Variants in SLC25A43 observed in about 807,000 individuals in gnomAD.
SLC25A43 encodes solute carrier family 25, member 43.
Under a neutral mutation model 22.8 loss-of-function variants are expected in SLC25A43, and 10 were observed. That is an observed-to-expected ratio of 0.44 (90% confidence interval 0.27 to 0.74). The LOEUF (loss-of-function observed/expected upper bound fraction) is 0.74. Among genes scored for constraint, SLC25A43 ranks in the 30% least tolerant of loss-of-function variants. The pLI, the probability that SLC25A43 is intolerant of heterozygous loss-of-function variation, is 0.17. For synonymous variants in SLC25A43, 106 were observed against 121.6 expected, an observed-to-expected ratio of 0.87 and a Z score of 0.84; for missense variants, 233 against 279.1, an observed-to-expected ratio of 0.83 and a Z score of 1.18.
intron 3 of SLC25A43, among the ~76,000 whole-genome samples, chrX:119,419,986 T>A (rs1422698003): frequency 8.9e-6 from 1 of 112,448 alleles, no homozygotes; most frequent in Admixed American, 9.5e-5. Context: ...CTAAAAATGA[T>A]CTTAAGCATT....
chrX:119,402,120 T>C (rs2052243544), intron 1 of SLC25A43, among the ~76,000 whole-genome samples: 1 of 112,305 alleles, frequency 8.9e-6, no homozygotes, highest in Admixed American at 9.5e-5. Context: ...TTATACTGAT[T>C]CATTTCTACT....
At chrX:119,430,238 GTCTT>G (rs780034684) in intron 3 of SLC25A43, among the ~76,000 whole-genome samples, 1 of 112,634 alleles carries the variant, frequency 8.9e-6, no homozygotes, top group Non-Finnish European at 1.9e-5. Context: ...CAGCATACTT[GTCTT>G]TCTTACAAGT....
chrX:119,419,005 G>T (rs1339247642), intron 3 of SLC25A43, among the ~76,000 whole-genome samples: 1 of 112,508 alleles, frequency 8.9e-6, no homozygotes, highest in Non-Finnish European at 1.9e-5. Flanking sequence ...TGACAGAGAT[G>T]AATTCATCTG....
intron 3 of SLC25A43, among the ~76,000 whole-genome samples, chrX:119,432,319 A>G (rs2052560306): frequency 8.9e-6 from 1 of 112,202 alleles, no homozygotes; most frequent in South Asian, 3.7e-4. Flanking sequence ...TTAGATAAAC[A>G]TAATTCTAAT....
chrX:119,409,743 G>A (rs1321063805), intron 2 of SLC25A43, among the ~76,000 whole-genome samples: 2 of 110,099 alleles, frequency 1.8e-5, no homozygotes, highest in African/African-American at 6.6e-5. Flanking sequence ...AGTCTCCCAA[G>A]TAGCTGGGAT....
chrX:119,450,936 G>T (rs1157565056), intron 3 of SLC25A43, among the ~76,000 whole-genome samples: 3 of 112,189 alleles, frequency 2.7e-5, no homozygotes, highest in African/African-American at 9.7e-5. Context: ...GCCAAGGCAG[G>T]TGGATCACTT....
chrX:119,405,676 G>A (rs1409359648), intron 1 of SLC25A43, among the ~76,000 whole-genome samples: 3 of 109,069 alleles, frequency 2.8e-5, no homozygotes, highest in African/African-American at 1.0e-4. Flanking sequence ...AGGCTGAGGT[G>A]GGAGGATCTC....
intron 3 of SLC25A43, among the ~76,000 whole-genome samples, chrX:119,415,405 C>T (rs1259833101): frequency 9.1e-6 from 1 of 109,799 alleles, no homozygotes; most frequent in Non-Finnish European, 1.9e-5. Flanking sequence ...TTAGAATTTA[C>T]CTGGTGTGGC....
At chrX:119,451,237 G>A (rs1425108107) in intron 3 of SLC25A43, among the ~76,000 whole-genome samples, 2 of 111,615 alleles carry the variant, frequency 1.8e-5, no homozygotes, top group South Asian at 7.5e-4. Flanking sequence ...ATAGGGTTCC[G>A]TCAGGATGGC....
intron 3 of SLC25A43, among the ~76,000 whole-genome samples, chrX:119,424,952 C>T (rs1603296975): frequency 1.8e-5 from 2 of 112,217 alleles, no homozygotes; most frequent in East Asian, 5.6e-4. Context: ...CCTCCTAAAA[C>T]CATCACCCTA....
chrX:119,443,269 GC>G (rs2052637112), intron 3 of SLC25A43, among the ~76,000 whole-genome samples: 1 of 106,935 alleles, frequency 9.4e-6, no homozygotes, highest in South Asian at 4.0e-4. Context: ...ACAGGCATCT[GC>G]CACCATGCCC....
intron 3 of SLC25A43, among the ~76,000 whole-genome samples, chrX:119,443,116 C>CT (rs58081965): frequency 0.41 from 29,749 of 73,093 alleles, 5,708 homozygotes; most frequent in East Asian, 0.46. Context: ...CATTCTCTCT[C>CT]TTTTTTTTTT....
At chrX:119,425,025 G>C (rs2052490698) in intron 3 of SLC25A43, among the ~76,000 whole-genome samples, 2 of 109,406 alleles carry the variant, frequency 1.8e-5, no homozygotes, top group South Asian at 7.9e-4. Flanking sequence ...TAACGAGCCT[G>C]GCTTTGGCCA....
intron 3 of SLC25A43, among the ~76,000 whole-genome samples, chrX:119,415,886 T>C (rs1362002632): frequency 9.3e-6 from 1 of 106,969 alleles, no homozygotes; most frequent in Non-Finnish European, 1.9e-5. Context: ...TGCACACCTG[T>C]AGTCCCAGCT....
intron 3 of SLC25A43, among the ~76,000 whole-genome samples, chrX:119,425,095 G>A (rs1160119264): frequency 8.9e-6 from 1 of 112,070 alleles, no homozygotes; most frequent in Non-Finnish European, 1.9e-5. Context: ...AAACTGGGCT[G>A]TCCTGGGGTC....
chrX:119,420,290 T>C (rs1432946152), intron 3 of SLC25A43, among the ~76,000 whole-genome samples: 3 of 61,033 alleles, frequency 4.9e-5, no homozygotes, highest in African/African-American at 8.8e-5. Flanking sequence ...CGTTAGATCC[T>C]TTTTTTTTTT....
chrX:119,408,989 C>T (rs2052323011), intron 2 of SLC25A43, among the ~76,000 whole-genome samples: 1 of 109,705 alleles, frequency 9.1e-6, no homozygotes, highest in African/African-American at 3.3e-5. Context: ...TGAGGTGCTG[C>T]CCACTGGCTT....
chrX:119,417,042 C>T (rs187033823), intron 3 of SLC25A43, among the ~76,000 whole-genome samples: 174 of 111,642 alleles, frequency 1.6e-3, no homozygotes, highest in African/African-American at 5.4e-3. Flanking sequence ...TTCAAGGCTT[C>T]GCCAGCTTAG....
Position 119,399,483 on chromosome X carries a change from T to A in SLC25A43, c.80T>A (p.Leu27His). 9.2e-7 allele frequency: 1 copy of A among 1,091,379 alleles called. No homozygotes were observed. The highest frequency in any genetic ancestry group is 1.2e-6 in the Non-Finnish European group (1 of 839,515). The allele number at this position is 1,091,379 out of a possible 1,213,427, so 89.9% of individuals were successfully genotyped here. ...LCAGLAGTLS[L>H]SLTAPLELAT... ...GCTGGGCTGGCGGGGACGCTCAGCC[T>A]CAGCCTCACCGCGCCCCTGGAGCTC... is the stretch of plus-strand genomic sequence containing the variant. The change falls in exon 1 of 5, where the codon CTC becomes CAC. Residue 27 changes from leucine (L) to histidine (H), a missense_variant. Coordinates refer to ENST00000217909, the MANE Select transcript of SLC25A43 (RefSeq NM_145305.3).
Sources: allele counts gnomAD v4.1 joint callset (sites outside exome capture counted in the v4.1 genomes callset), GRCh38; gene constraint gnomAD v4.1.1; transcripts MANE v1.5; gene names NCBI Gene and HGNC (gene_info 2026-07-23, HGNC 2026-07-21).